Variants in PER3 observed in about 807,000 individuals in gnomAD.
The protein encoded by PER3 is period circadian regulator 3.
A neutral mutation model predicts 127.2 loss-of-function variants in PER3; 107 were observed. The observed-to-expected ratio is 0.84, with a 90% CI of 0.72 to 0.99. PER3 has a LOEUF of 0.99. PER3 is among the 50% of genes least tolerant of loss of function. The pLI, the probability that PER3 is intolerant of heterozygous loss-of-function variation, is 0.00. For synonymous variants in PER3, 618 were observed against 585.8 expected, an observed-to-expected ratio of 1.05 and a Z score of -0.79; for missense variants, 1,560 against 1,525.8, an observed-to-expected ratio of 1.02 and a Z score of -0.37.
intron 5 of PER3, among the ~76,000 whole-genome samples, chr1:7,789,763 C>T (rs2097110199): frequency 6.6e-6 from 1 of 152,156 alleles, no homozygotes; most frequent in Admixed American, 6.5e-5. Context: ...TGAAGGGTAG[C>T]TTTGCGTGTT....
intron 6 of PER3, among the ~76,000 whole-genome samples, chr1:7,794,747 G>A (rs915426637): frequency 6.6e-6 from 1 of 151,820 alleles, no homozygotes; most frequent in Non-Finnish European, 1.5e-5. Context: ...TGAACCAGAA[G>A]AAAACAGATG....
At chr1:7,820,307 T>C in intron 15 of PER3, 68 bp downstream of exon 15, 1 of 1,515,724 alleles carries the variant, frequency 6.6e-7, no homozygotes, top group Non-Finnish European at 9.0e-7. Flanking sequence ...TTCTCTTTAA[T>C]GTCTTATATT....
At chr1:7,824,044 A>G (rs1389161088) in intron 16 of PER3, among the ~76,000 whole-genome samples, 1 of 152,264 alleles carries the variant, frequency 6.6e-6, no homozygotes, top group Non-Finnish European at 1.5e-5. Flanking sequence ...GATTCAAAAA[A>G]GAAATCACAA....
chr1:7,786,859 A>G (rs1453584507), intron 4 of PER3, 23 bp downstream of exon 4: 14 of 1,381,998 alleles, frequency 1.0e-5, no homozygotes, highest in Admixed American at 1.7e-5. Context: ...GCATTTTGCC[A>G]TATCAACCTG....
At chr1:7,802,910 G>A in intron 8 of PER3, 137 bp from the exon 9 acceptor site, 1 of 659,706 alleles carries the variant, frequency 1.5e-6, no homozygotes, top group South Asian at 1.7e-5. Flanking sequence ...TGGGTTCTTT[G>A]CTGTTTTTAT....
At chr1:7,819,069 C>T (rs1179343422) in intron 13 of PER3, among the ~76,000 whole-genome samples, 1 of 152,156 alleles carries the variant, frequency 6.6e-6, no homozygotes, top group Non-Finnish European at 1.5e-5. Context: ...CGTAGCCATT[C>T]TATGTGTAAT....
Position 7,842,800 on chromosome 1 carries a change from CACAG to C in PER3, c.*52_*55del, listed in dbSNP as rs765646567. The C allele has an allele frequency of 1.9e-6, 3 of 1,557,332 alleles. No individual in the cohort carries two copies. The highest frequency in any genetic ancestry group is 1.4e-5 in the African/African-American group (1 of 73,866). Reference sequence around the variant, plus strand: ...TTCATACCCTTTCCAAGACGTGTTACACAGACAGACCTTTTTAAGTCCTGGACTT... The same window carrying C: ...TTCATACCCTTTCCAAGACGTGTTACACAGACCTTTTTAAGTCCTGGACTT... On this transcript the variant is annotated 3_prime_UTR_variant, in exon 22 of 22. Coordinates refer to ENST00000377532, the MANE Select transcript of PER3 (RefSeq NM_001377275.1).
intron 6 of PER3, among the ~76,000 whole-genome samples, chr1:7,797,221 G>A (rs1331325907): frequency 1.3e-5 from 2 of 151,778 alleles, no homozygotes; most frequent in East Asian, 1.9e-4. Context: ...GATGTGGGTC[G>A]GCAGCACCGG....
Position 7,843,974 on chromosome 1 carries a change from G to T in PER3, c.*1219G>T. On this transcript the variant is annotated 3_prime_UTR_variant, in exon 22 of 22. Coordinates refer to ENST00000377532, the MANE Select transcript of PER3 (RefSeq NM_001377275.1). ...CCCTGCAGATCAGAAAAAACAAATAGAAGAAAATGAGGGTTACAGTAACCT... is the reference window on the plus strand; with the variant it reads ...CCCTGCAGATCAGAAAAAACAAATATAAGAAAATGAGGGTTACAGTAACCT... 1 of 1,269,508 alleles carries T rather than the reference G, an allele frequency of 7.9e-7. No individual in the cohort carries two copies. 78.6% of individuals were successfully genotyped at this position (1,269,508 alleles called of 1,614,324 possible). A position where few individuals can be genotyped will look rare whatever the true frequency, so the allele number is the denominator to read the frequency against.
rs1357160856 is a variant in PER3, at chr1:7,810,017, A to G, written c.1367A>G (p.Glu456Gly). 1.2e-6 allele frequency: 2 copies of G among 1,613,226 alleles called. No homozygotes were observed. Among genetic ancestry groups the G allele is most frequent in the Non-Finnish European group, 1.7e-6 (2 of 1,179,576 alleles). The change falls in exon 12 of 22, where the codon GAG (glutamate) becomes GGG (glycine). Residue 456 changes from glutamate to glycine, a missense_variant. Physicochemically the swap from Glu to Gly is moderately conservative, Grantham distance 98. Coordinates refer to ENST00000377532, the MANE Select transcript of PER3 (RefSeq NM_001377275.1). ...SGHRVEETKA[E>G]QMTLQQVYAS... is the part of the protein sequence containing the mutation. ...CACCGTGTGGAGGAGACGAAGGCGG[A>G]GCAGGTGCATGGGCTTATGTCACAT...
chr1:7,816,518 C>T (rs1487906955), intron 13 of PER3, among the ~76,000 whole-genome samples: 1 of 152,124 alleles, frequency 6.6e-6, no homozygotes, highest in Non-Finnish European at 1.5e-5. Flanking sequence ...CTCAAGAAGA[C>T]AACCCAATTA....
Position 7,827,373 on chromosome 1 carries a change from C to G in PER3, c.2444C>G (p.Ala815Gly). ...YLVPAFPLPA[A>G]TSPGREYAAP... ...GTCCCAGCTTTTCCCCTCCCAGCCG[C>G]GACCTCACCCGGAAGAGAATACGCA... Residue 815 changes from alanine (A) to glycine (G), a missense_variant, in exon 18 of 22, where the codon GCG (alanine) becomes GGG (glycine). Physicochemically the swap from Ala to Gly is moderately conservative, Grantham distance 60. Around this residue, in one of 3 missense-constraint regions of PER3, gnomAD observed 1,332 missense variants for 1,223.6 expected, o/e 1.09. Transcript: ENST00000377532. 2 of 1,614,120 alleles carry G rather than the reference C, an allele frequency of 1.2e-6. No homozygotes were observed.
chr1:7,836,049 G>A (rs936974544), intron 20 of PER3, 104 bp downstream of exon 20: 8 of 726,072 alleles, frequency 1.1e-5, no homozygotes, highest in African/African-American at 1.8e-5. Flanking sequence ...CCAGGCTGGA[G>A]TGCAGTGGCA....
At chr1:7,831,321 G>A (rs948670229) in intron 19 of PER3, among the ~76,000 whole-genome samples, 5 of 152,130 alleles carry the variant, frequency 3.3e-5, no homozygotes, top group Non-Finnish European at 7.4e-5. Context: ...TTGCAGTCTT[G>A]CTAAACTCAT....
chr1:7,827,529 C>T lies in PER3; in HGVS notation c.2600C>T (p.Pro867Leu), dbSNP rs186731862. The T allele has an allele frequency of 6.2e-7, 1 of 1,614,198 alleles. No homozygotes were observed. The highest frequency in any genetic ancestry group is 1.3e-5 in the African/African-American group (1 of 75,052). The change falls in exon 18 of 22, where the codon CCT (proline) becomes CTT (leucine). Residue 867 changes from proline (P) to leucine (L), a missense_variant. Around this residue, in one of 3 missense-constraint regions of PER3, gnomAD observed 1,332 missense variants for 1,223.6 expected, o/e 1.09. Coordinates refer to ENST00000377532, the MANE Select transcript of PER3 (RefSeq NM_001377275.1). ...TTCCTGCCTGACCCCCCTGTCTGTC[C>T]TCTGTTGTCGCCATCGTTTTTGCCA... ...TVFLPDPPVCPLLSPSFLPCP... is the reference protein window; with the variant it reads ...TVFLPDPPVCLLLSPSFLPCP...
intron 13 of PER3, 110 bp from the exon 14 acceptor site, chr1:7,819,175 C>T (rs1240863172): frequency 6.0e-6 from 5 of 835,302 alleles, no homozygotes; most frequent in Non-Finnish European, 9.4e-6. Context: ...GCATGATATT[C>T]TGTTGATATA....
intron 13 of PER3, among the ~76,000 whole-genome samples, chr1:7,816,638 T>G (rs1308590752): frequency 0.011 from 1,604 of 152,222 alleles, 36 homozygotes; most frequent in African/African-American, 0.036. Context: ...ACACCACACA[T>G]CTGTGAGAAT....
rs1558400778 is a variant in PER3 at position 7,798,551 on chromosome 1, A to AGT, written c.674_675dup (p.His226ValfsTer11). Reference sequence around the variant, plus strand: ...GGAGGTGAAGACAGAAAGCAAGAGAAGTGTCACTCCCCATTCCGGATCATC... The same window carrying AGT: ...GGAGGTGAAGACAGAAAGCAAGAGAAGTGTGTCACTCCCCATTCCGGATCATC... On this transcript the variant is annotated frameshift_variant, in exon 7 of 22. Coordinates refer to ENST00000377532, the MANE Select transcript of PER3 (RefSeq NM_001377275.1). LOFTEE classifies it high-confidence loss of function. 3.1e-6 allele frequency: 5 copies of AGT among 1,613,788 alleles called. No homozygotes were observed. The highest frequency in any genetic ancestry group is 4.2e-6 in the Non-Finnish European group (5 of 1,179,682).
intron 5 of PER3, among the ~76,000 whole-genome samples, chr1:7,792,069 T>C (rs11121024): frequency 0.13 from 20,039 of 152,234 alleles, 1,592 homozygotes; most frequent in Admixed American, 0.17. Flanking sequence ...CTCTTTGCAG[T>C]ACAAGTTTAC....
Sources: allele counts gnomAD v4.1 joint callset (sites outside exome capture counted in the v4.1 genomes callset), GRCh38; gene constraint gnomAD v4.1.1; regional missense constraint gnomAD v4.1.1; transcripts MANE v1.5; gene names NCBI Gene and HGNC (gene_info 2026-07-23, HGNC 2026-07-21).